Variants in DNAI4 observed in about 807,000 individuals in gnomAD.
The protein encoded by DNAI4 is dynein axonemal intermediate chain 4.
In DNAI4, 85 loss-of-function variants were observed where a neutral mutation model predicts 105.8. The observed-to-expected ratio is 0.80, with a 90% confidence interval of 0.67 to 0.96. The LOEUF (loss-of-function observed/expected upper bound fraction) is 0.96, where lower values mean the gene tolerates loss of function less well. Ranked by LOEUF, DNAI4 falls within the 40% of genes least tolerant of loss-of-function variation. The pLI, the probability that DNAI4 is intolerant of heterozygous loss-of-function variation, is 0.00. For synonymous variants in DNAI4, 352 were observed against 331.5 expected, an observed-to-expected ratio of 1.06 and a Z score of -0.67; for missense variants, 1,014 against 1,005.6, an observed-to-expected ratio of 1.01 and a Z score of -0.11.
chr1:66,862,423 G>T, intron 6 of DNAI4, 121 bp from the exon 7 acceptor site: 2 of 1,045,808 alleles, frequency 1.9e-6, no homozygotes, highest in African/African-American at 1.7e-5. Context: ...TGATGCAGTT[G>T]CCCGTGCCAG....
chr1:66,887,350 T>C (rs1022355002), intron 4 of DNAI4, among the ~76,000 whole-genome samples: 1 of 152,188 alleles, frequency 6.6e-6, no homozygotes, highest in African/African-American at 2.4e-5. Context: ...CCAATAAAAG[T>C]TGTTAATTTT....
intron 3 of DNAI4, among the ~76,000 whole-genome samples, chr1:66,893,007 GAGAGAGGAAAGAA>G (rs1647864300): frequency 5.7e-5 from 6 of 104,798 alleles, no homozygotes; most frequent in South Asian, 3.1e-4. Context: ...GAGAGAAAGA[GAGAGAGGAAAGAA>G]AGAAAGAAAG....
intron 7 of DNAI4, among the ~76,000 whole-genome samples, chr1:66,859,216 T>G (rs1260828172): frequency 2.0e-5 from 3 of 152,086 alleles, no homozygotes; most frequent in African/African-American, 7.2e-5. Flanking sequence ...ATGCTCAATA[T>G]CACATTAGGG....
Position 66,924,724 on chromosome 1 carries a change from G to A in DNAI4, c.108C>T (p.Pro36=). 1 of 1,614,212 alleles carries A rather than the reference G, an allele frequency of 6.2e-7. No homozygotes were observed. The highest frequency in any genetic ancestry group is 1.1e-5 in the South Asian group (1 of 91,086). ...AGACTGGCATGGTGGCGACCAGCTGGGGAGTGGTGCACCACCCCTTTTTTT... is the reference window on the plus strand; with the variant it reads ...AGACTGGCATGGTGGCGACCAGCTGAGGAGTGGTGCACCACCCCTTTTTTT... ...GGQKKGWCTT[P]QLVATMPVSP... Residue 36 remains proline (P), a synonymous_variant, in exon 1 of 17, where the codon CCC becomes CCT. Transcript: ENST00000371026.
intron 13 of DNAI4, among the ~76,000 whole-genome samples, chr1:66,832,221 T>C (rs555568914): frequency 3.0e-4 from 45 of 152,246 alleles, no homozygotes; most frequent in African/African-American, 1.0e-3. Flanking sequence ...ATGGCTGTAG[T>C]AGTAAAAGTA....
intron 8 of DNAI4, among the ~76,000 whole-genome samples, chr1:66,844,097 A>AAAC (rs1646216290): frequency 6.7e-6 from 1 of 148,880 alleles, no homozygotes. Context: ...AAAAAAAAAA[A>AAAC]AAAAAAAAAA....
intron 1 of DNAI4, among the ~76,000 whole-genome samples, chr1:66,919,394 C>T (rs1278634399): frequency 6.6e-6 from 1 of 152,176 alleles, no homozygotes; most frequent in Non-Finnish European, 1.5e-5. Flanking sequence ...GGAGAACAAA[C>T]ACCTACCTTG....
At position 66,871,222 on chromosome 1, in the gene DNAI4, A is replaced by G. The variant is rs1053845664; in HGVS notation, c.940+148T>C. 6 of 577,316 alleles carry G rather than the reference A, an allele frequency of 1.0e-5. No individual in the cohort carries two copies. In the African/African-American group the frequency reaches 1.1e-4, roughly 11 times the overall value. The allele number at this position is 577,316 out of a possible 1,614,324, so 35.8% of individuals were successfully genotyped here. A position where few individuals can be genotyped will look rare whatever the true frequency, so the allele number is the denominator to read the frequency against. On this transcript the variant is annotated intron_variant, in intron 6 of 16. Transcript: ENST00000371026. ...CTTAACATGTCAAATTCTGAAAGCT[A>G]TAGAACACAGTGTCCAACTACTGTT... is the stretch of plus-strand genomic sequence containing the variant.
At chr1:66,845,472 C>T (rs1460592266) in intron 8 of DNAI4, among the ~76,000 whole-genome samples, 2 of 152,064 alleles carry the variant, frequency 1.3e-5, no homozygotes, top group African/African-American at 2.4e-5. Flanking sequence ...AAAAGTTAAA[C>T]ATATTCCCAA....
chr1:66,892,924 G>GAGAAAGAGAAGAAAGAGA (rs1180511255), intron 3 of DNAI4, among the ~76,000 whole-genome samples: 2 of 96,576 alleles, frequency 2.1e-5, no homozygotes, highest in African/African-American at 8.1e-5. Flanking sequence ...GAAAGAAAGA[G>GAGAAAGAGAAGAAAGAGA]AGAAAGAGAA....
intron 3 of DNAI4, among the ~76,000 whole-genome samples, chr1:66,891,811 C>T (rs537181033): frequency 4.3e-4 from 65 of 152,306 alleles, no homozygotes; most frequent in African/African-American, 1.5e-3. Flanking sequence ...TAAAGTCCTT[C>T]GGTGAATTAC....
At chr1:66,919,383 A>C (rs897485822) in intron 1 of DNAI4, among the ~76,000 whole-genome samples, 4 of 152,266 alleles carry the variant, frequency 2.6e-5, no homozygotes, top group African/African-American at 9.6e-5. Flanking sequence ...CCTCTATTTA[A>C]GGAGAACAAA....
At chr1:66,838,266 G>A (rs758132557) in intron 9 of DNAI4, among the ~76,000 whole-genome samples, 5 of 152,140 alleles carry the variant, frequency 3.3e-5, no homozygotes, top group East Asian at 1.9e-4. Context: ...AGAAGGAATC[G>A]CAGGTTAAAT....
chr1:66,822,398 T>C lies in DNAI4; in HGVS notation c.2459A>G (p.Glu820Gly). 1 of 1,612,206 alleles carries C rather than the reference T, an allele frequency of 6.2e-7. No individual in the cohort carries two copies. Among genetic ancestry groups the C allele is most frequent in the Middle Eastern group, 1.7e-4 (1 of 6,056 alleles). ...CAAAACAGTAGGCATATTTCTCAGT[T>C]CATACACAGAAACCTGTCCATCACT... ...GDSDGQVSVY[E>G]LRNMPTVLET... Residue 820 changes from glutamate (E) to glycine (G), a missense_variant, in exon 16 of 17, where the codon GAA becomes GGA. Physicochemically the swap from Glu to Gly is moderately conservative, Grantham distance 98 (BLOSUM62 -2). Transcript: ENST00000371026.
chr1:66,924,689 C>T lies in DNAI4; in HGVS notation c.143G>A (p.Gly48Asp), dbSNP rs779338538. The change falls in exon 1 of 17, where the codon GGC becomes GAC. Residue 48 changes from glycine (G) to aspartate (D), a missense_variant. Coordinates refer to ENST00000371026, the MANE Select transcript of DNAI4 (RefSeq NM_024763.5). ...LVATMPVSPAGSHKQQNFGLN... is the reference protein window; with the variant it reads ...LVATMPVSPADSHKQQNFGLN... ...CCCGAAGTTCTGCTGCTTGTGACTG[C>T]CTGCCGGAGAGACTGGCATGGTGGC... 6 of 1,614,250 alleles carry T rather than the reference C, an allele frequency of 3.7e-6. No individual in the cohort carries two copies. The South Asian group carries it at 6.6e-5, about 18-fold the overall frequency.
Position 66,827,915 on chromosome 1 carries a change from A to C in DNAI4, c.2014-5T>G. The C allele has an allele frequency of 6.4e-7, 1 of 1,562,688 alleles. No homozygotes were observed. Reference sequence around the variant, plus strand: ...AGCCAAATAGATATTTGTGTCCTACAACACAAAACATCGAAATGCATTGGC... The same window carrying C: ...AGCCAAATAGATATTTGTGTCCTACCACACAAAACATCGAAATGCATTGGC... On this transcript the variant is annotated splice_polypyrimidine_tract_variant and splice_region_variant and intron_variant, in intron 13 of 16. Transcript: ENST00000371026.
At chr1:66,902,587 T>C (rs1195687099) in intron 2 of DNAI4, among the ~76,000 whole-genome samples, 2 of 152,298 alleles carry the variant, frequency 1.3e-5, no homozygotes, top group East Asian at 1.9e-4. Context: ...ATTTTTTCTT[T>C]AGCTGCATAT....
chr1:66,842,150 T>C (rs868430780), intron 8 of DNAI4, among the ~76,000 whole-genome samples: 1 of 152,218 alleles, frequency 6.6e-6, no homozygotes. Flanking sequence ...CAGGTCTGCT[T>C]CTGGCTTGAT....
intron 1 of DNAI4, among the ~76,000 whole-genome samples, chr1:66,924,195 G>C (rs1388836569): frequency 7.2e-5 from 11 of 152,232 alleles, no homozygotes; most frequent in African/African-American, 2.7e-4. Flanking sequence ...TTTTTAGACA[G>C]AGTCTCGCTC....
Sources: gnomAD v4.1 joint callset for allele counts (sites outside exome capture counted in the v4.1 genomes callset) on GRCh38, gnomAD v4.1.1 for gene constraint, MANE v1.5 for transcripts, NCBI Gene and HGNC (gene_info 2026-07-23, HGNC 2026-07-21) for gene names.